Variants in CDK19 observed in about 807,000 individuals in gnomAD.
The protein encoded by CDK19 is cyclin-dependent kinase 19.
In CDK19, 20 loss-of-function variants were observed where a neutral mutation model predicts 68.3. The ratio of observed to expected loss-of-function variants is 0.29; its 90% confidence interval spans 0.21 to 0.43. The LOEUF (loss-of-function observed/expected upper bound fraction) is 0.43, where lower values mean the gene tolerates loss of function less well. Ranked by LOEUF, CDK19 falls within the 20% of genes least tolerant of loss-of-function variation. CDK19 has a pLI of 1.00. For synonymous variants in CDK19, 221 were observed against 222.8 expected (o/e 0.99, Z 0.07); for missense variants, 339 against 623.5 (o/e 0.54, Z 4.86).
intron 2 of CDK19, among the ~76,000 whole-genome samples, chr6:110,745,532 A>G (rs1435436660): frequency 6.6e-6 from 1 of 152,170 alleles, no homozygotes; most frequent in Non-Finnish European, 1.5e-5. Flanking sequence ...AAGCTACAGA[A>G]AAATAGACAT....
intron 2 of CDK19, among the ~76,000 whole-genome samples, chr6:110,737,449 T>C (rs1190595347): frequency 1.3e-5 from 2 of 152,112 alleles, no homozygotes; most frequent in African/African-American, 4.8e-5. Context: ...GGAAACATAG[T>C]AGCTTGAAAA....
chr6:110,746,268 A>T (rs192208681), intron 1 of CDK19, 67 bp from the exon 2 acceptor site: 223 of 913,488 alleles, frequency 2.4e-4, no homozygotes, highest in Non-Finnish European at 3.6e-4. Context: ...ATAACTACAA[A>T]AACAATGGAA....
At chr6:110,654,885 G>C (rs922054561) in intron 4 of CDK19, among the ~76,000 whole-genome samples, 1 of 151,436 alleles carries the variant, frequency 6.6e-6, no homozygotes, top group Non-Finnish European at 1.5e-5. Flanking sequence ...AGGTTATGGT[G>C]AGCCAAGATC....
chr6:110,763,723 C>T (rs570701195), intron 1 of CDK19, among the ~76,000 whole-genome samples: 13 of 152,014 alleles, frequency 8.6e-5, no homozygotes, highest in Non-Finnish European at 1.5e-4. Flanking sequence ...CCTGCTCTCA[C>T]CACTCTTAAT....
At chr6:110,800,478 A>T (rs566751164) in intron 1 of CDK19, among the ~76,000 whole-genome samples, 2 of 152,192 alleles carry the variant, frequency 1.3e-5, no homozygotes, top group Non-Finnish European at 2.9e-5. Context: ...TCCTGATACT[A>T]AAATCTGGCA....
At chr6:110,738,247 T>C (rs1439851985) in intron 2 of CDK19, among the ~76,000 whole-genome samples, 1 of 152,002 alleles carries the variant, frequency 6.6e-6, no homozygotes, top group Non-Finnish European at 1.5e-5. Context: ...TGGTGGCTCA[T>C]GTCTGTAATC....
At chr6:110,774,491 G>A (rs1240053257) in intron 1 of CDK19, among the ~76,000 whole-genome samples, 2 of 152,296 alleles carry the variant, frequency 1.3e-5, no homozygotes, top group East Asian at 1.9e-4. Flanking sequence ...GGAGGACAGC[G>A]CTGGACAGCA....
intron 5 of CDK19, among the ~76,000 whole-genome samples, chr6:110,635,501 A>G (rs948352255): frequency 8.5e-5 from 13 of 152,230 alleles, no homozygotes; most frequent in African/African-American, 2.9e-4. Context: ...AAAGGGCAAA[A>G]TGTGTTTTCC....
intron 1 of CDK19, among the ~76,000 whole-genome samples, chr6:110,753,324 A>G (rs183013705): frequency 4.9e-4 from 75 of 152,252 alleles, no homozygotes; most frequent in African/African-American, 1.8e-3. Context: ...AAAAGCTCTA[A>G]AATTATAAAA....
At chr6:110,645,947 C>T in intron 4 of CDK19, 1 of 1,135,486 alleles carries the variant, frequency 8.8e-7, no homozygotes, top group East Asian at 2.7e-5. Context: ...TGCGAGCCAC[C>T]GACCGCGAGG....
In CDK19 at chr6:110,795,655, A is replaced by G. The variant is rs1297570417; in HGVS notation, c.128+19354T>C. Among the ~76,000 whole-genome samples, 5 of 152,330 alleles carry G rather than the reference A, an allele frequency of 3.3e-5. No individual in the cohort carries two copies. In the East Asian group the frequency reaches 5.8e-4, roughly 18 times the overall value. On this transcript the variant is annotated intron_variant, in intron 1 of 12. Transcript: ENST00000368911. Reference sequence around the variant, plus strand: ...ACCCTTTGACACAGCAAATTAACTTATAAGACGCTATTTTAAGGAAAGAAT... The same window carrying G: ...ACCCTTTGACACAGCAAATTAACTTGTAAGACGCTATTTTAAGGAAAGAAT...
chr6:110,801,606 G>A (rs138927581), intron 1 of CDK19, among the ~76,000 whole-genome samples: 2,043 of 152,150 alleles, frequency 0.013, 48 homozygotes, highest in African/African-American at 0.047. Flanking sequence ...CCGCCTCCCA[G>A]GTTCACACCA....
chr6:110,765,948 C>T lies in CDK19; in HGVS notation c.129-19747G>A, dbSNP rs190607930. On this transcript the variant is annotated intron_variant, in intron 1 of 12. Transcript: ENST00000368911. Reference sequence around the variant, plus strand: ...GGCTATTATCAAAAAGAGAAAATAACAAATGTTGGCAAGGAGGCAGAGAAA... The same window carrying T: ...GGCTATTATCAAAAAGAGAAAATAATAAATGTTGGCAAGGAGGCAGAGAAA... Among the ~76,000 whole-genome samples the T allele has an allele frequency of 1.8e-4, 28 of 152,058 alleles. No homozygotes were observed. The East Asian group carries it at 4.8e-3, about 26-fold the overall frequency.
intron 2 of CDK19, among the ~76,000 whole-genome samples, chr6:110,701,522 A>C (rs1468435665): frequency 6.6e-6 from 1 of 151,704 alleles, no homozygotes; most frequent in South Asian, 2.1e-4. Flanking sequence ...ACTGCACTCC[A>C]GCCTGGGCAA....
intron 2 of CDK19, among the ~76,000 whole-genome samples, chr6:110,730,626 C>T (rs1776677631): frequency 6.6e-6 from 1 of 152,192 alleles, no homozygotes; most frequent in South Asian, 2.1e-4. Flanking sequence ...TAGATTAGTA[C>T]CAGCTGCTAT....
chr6:110,785,895 G>A (rs1463990265), intron 1 of CDK19, among the ~76,000 whole-genome samples: 1 of 151,682 alleles, frequency 6.6e-6, no homozygotes, highest in Non-Finnish European at 1.5e-5. Flanking sequence ...CAGAAGAATC[G>A]CTTGAACCGG....
chr6:110,785,482 G>A (rs886516470), intron 1 of CDK19, among the ~76,000 whole-genome samples: 1 of 152,162 alleles, frequency 6.6e-6, no homozygotes, highest in Admixed American at 6.6e-5. Context: ...AAAAGAAAAT[G>A]CGAAGGAAAC....
chr6:110,648,058 T>C (rs1427289026), intron 4 of CDK19, among the ~76,000 whole-genome samples: 1 of 152,200 alleles, frequency 6.6e-6, no homozygotes, highest in Non-Finnish European at 1.5e-5. Flanking sequence ...TTCAGCAAGT[T>C]AGGCTAGAAA....
intron 2 of CDK19, among the ~76,000 whole-genome samples, chr6:110,722,968 C>A (rs1243659703): frequency 6.6e-6 from 1 of 151,962 alleles, no homozygotes; most frequent in Non-Finnish European, 1.5e-5. Context: ...GACAGAATGT[C>A]TTTTCTAAAG....
Sources: allele counts gnomAD v4.1 joint callset (sites outside exome capture counted in the v4.1 genomes callset), GRCh38; gene constraint gnomAD v4.1.1; transcripts MANE v1.5; gene names NCBI Gene and HGNC (gene_info 2026-07-23, HGNC 2026-07-21).